CAPN11: variants seen among roughly 807,000 people sequenced by gnomAD.
CAPN11 encodes the protein calpain-11.
In CAPN11, 108 loss-of-function variants were observed where a neutral mutation model predicts 105.3. The ratio of observed to expected loss-of-function variants is 1.03; its 90% confidence interval spans 0.88 to 1.20. The LOEUF is 1.20. Ranked by LOEUF, CAPN11 falls within the 50% of genes most tolerant of loss-of-function variation. CAPN11 has a pLI of 0.00. For missense variants in CAPN11, 883 were observed against 924.8 expected, an observed-to-expected ratio of 0.95 and a Z score of 0.59; for synonymous variants, 329 against 344.5, an observed-to-expected ratio of 0.96 and a Z score of 0.50.
chr6:44,170,754 T>C (rs12190049), intron 4 of CAPN11, among the ~76,000 whole-genome samples: 9,785 of 152,200 alleles, frequency 0.064, 374 homozygotes, highest in Middle Eastern at 0.075. Flanking sequence ...CTACAGGTGC[T>C]AGAACCCGAT....
rs1417691538 is a variant in CAPN11, at chr6:44,181,624, CACAT to C, written c.1938+308_1938+311del. ...CACAACCACACCACACTCACACACA[CACAT>C]ACACACTCACATACAGACACAACCA... On this transcript the variant is annotated intron_variant, in intron 19 of 22. Transcript: ENST00000398776. Among the ~76,000 whole-genome samples, 3 of 15,160 alleles carry C rather than the reference CACAT, an allele frequency of 2.0e-4. 1 individual carries two copies. The highest frequency in any genetic ancestry group is 8.0e-4 in the African/African-American group (3 of 3,736). The allele number at this position is 15,160 out of a possible 152,430, so 9.9% of individuals were successfully genotyped here. A position where few individuals can be genotyped will look rare whatever the true frequency, so the allele number is the denominator to read the frequency against.
At chr6:44,164,223 G>C (rs1441927797) in intron 1 of CAPN11, among the ~76,000 whole-genome samples, 1 of 152,130 alleles carries the variant, frequency 6.6e-6, no homozygotes, top group Non-Finnish European at 1.5e-5. Context: ...ACAGCAGCAG[G>C]AATACAGCAG....
At chr6:44,178,750 T>A (rs11752924) in intron 12 of CAPN11, among the ~76,000 whole-genome samples, 80,004 of 116,140 alleles carry the variant, frequency 0.69, 26,037 homozygotes, top group Non-Finnish European at 0.71. Context: ...CTGTCTCGAT[T>A]AAAAAAAAAA....
chr6:44,183,656 A>T (rs1774145131), intron 21 of CAPN11, 49 bp from the exon 22 acceptor site: 1 of 1,579,400 alleles, frequency 6.3e-7, no homozygotes, highest in Non-Finnish European at 8.7e-7. Context: ...TTCTTTCGGA[A>T]CACTGACTTA....
At chr6:44,170,699 C>T (rs888820582) in intron 4 of CAPN11, among the ~76,000 whole-genome samples, 3 of 152,162 alleles carry the variant, frequency 2.0e-5, no homozygotes, top group African/African-American at 7.2e-5. Context: ...AGGAATTAGG[C>T]TCTACCTTTG....
At chr6:44,180,875 G>A in intron 17 of CAPN11, 58 bp from the exon 18 acceptor site, 1 of 1,601,870 alleles carries the variant, frequency 6.2e-7, no homozygotes, top group Non-Finnish European at 8.6e-7. Context: ...CACTCCCAGT[G>A]CCCCCACGAT....
At chr6:44,170,204 G>A (rs1019224655) in intron 4 of CAPN11, among the ~76,000 whole-genome samples, 1 of 152,118 alleles carries the variant, frequency 6.6e-6, no homozygotes, top group African/African-American at 2.4e-5. Flanking sequence ...GTCTTGCGGG[G>A]GGAATATTAG....
chr6:44,171,670 T>C (rs1211261075), intron 4 of CAPN11, among the ~76,000 whole-genome samples: 1 of 129,368 alleles, frequency 7.7e-6, no homozygotes, highest in Admixed American at 7.9e-5. Flanking sequence ...TCTACTTATA[T>C]ATAAAAATTT....
At chr6:44,166,935 G>T in intron 2 of CAPN11, 106 bp downstream of exon 2, 1 of 608,008 alleles carries the variant, frequency 1.6e-6, no homozygotes, top group Non-Finnish European at 2.9e-6. Flanking sequence ...CAGTCATGTT[G>T]TGTGGGGAGG....
At chr6:44,180,693 G>A in intron 16 of CAPN11, 31 bp downstream of exon 16, 2 of 1,613,660 alleles carry the variant, frequency 1.2e-6, no homozygotes, top group South Asian at 1.1e-5. Flanking sequence ...GGGCTGACAG[G>A]AGGGGGATGA....
chr6:44,176,923 A>G lies in CAPN11; in HGVS notation c.1162A>G (p.Ser388Gly). The G allele has an allele frequency of 6.2e-7, 1 of 1,613,884 alleles. No homozygotes were observed. The highest frequency in any genetic ancestry group is 8.5e-7 in the Non-Finnish European group (1 of 1,179,866). The change falls in exon 11 of 23, where the codon AGC becomes GGC. Residue 388 changes from serine to glycine, a missense_variant. Physicochemically the swap from Ser to Gly is moderately conservative, Grantham distance 56 (BLOSUM62 0). Transcript: ENST00000398776. ...TPDTLSGDYK[S>G]YWHTTFYEGS... Reference sequence around the variant, plus strand: ...TGATACACTCTCTGGGGACTACAAGAGCTACTGGCACACCACCTTCTACGA... The same window carrying G: ...TGATACACTCTCTGGGGACTACAAGGGCTACTGGCACACCACCTTCTACGA...
In CAPN11 at chr6:44,176,281, T is replaced by G; in HGVS notation, c.944T>G (p.Leu315Arg). The change falls in exon 9 of 23, where the codon CTG (leucine) becomes CGG (arginine). Residue 315 changes from leucine to arginine, a missense_variant. Coordinates refer to ENST00000398776, the MANE Select transcript of CAPN11 (RefSeq NM_007058.4). ...DVHYRGKMET[L>R]IRVRNPWGRI... ...CACTACAGAGGCAAAATGGAAACAC[T>G]GATTCGGGTCCGGAATCCCTGGGGC... 6.2e-7 allele frequency: 1 copy of G among 1,613,914 alleles called. No individual in the cohort carries two copies. The highest frequency in any genetic ancestry group is 8.5e-7 in the Non-Finnish European group (1 of 1,179,840).
chr6:44,172,739 G>A (rs1192476547), intron 5 of CAPN11, among the ~76,000 whole-genome samples: 2 of 152,184 alleles, frequency 1.3e-5, no homozygotes, highest in African/African-American at 4.8e-5. Flanking sequence ...TTAGCAATGT[G>A]TGGACAAATT....
chr6:44,180,839 C>T (rs370877132), intron 17 of CAPN11, 34 bp downstream of exon 17: 48 of 1,610,162 alleles, frequency 3.0e-5, no homozygotes, highest in Non-Finnish European at 3.8e-5. Context: ...CACGACCCCT[C>T]CCCCATATTT....
At chr6:44,180,859 C>G (rs1359352327) in intron 17 of CAPN11, 54 bp downstream of exon 17, 1 of 1,605,250 alleles carries the variant, frequency 6.2e-7, no homozygotes, top group East Asian at 2.2e-5. Context: ...TTGTGCCCCT[C>G]TTGATCACTC....
chr6:44,176,585 A>G lies in CAPN11; in HGVS notation c.1006A>G (p.Arg336Gly). 6.2e-7 allele frequency: 1 copy of G among 1,612,208 alleles called. No homozygotes were observed. The highest frequency in any genetic ancestry group is 8.5e-7 in the Non-Finnish European group (1 of 1,178,694). The change falls in exon 10 of 23, where the codon AGG becomes GGG. Residue 336 changes from arginine (R) to glycine (G), a missense_variant. By Grantham distance (125) the Arg-to-Gly change is moderately radical. Coordinates refer to ENST00000398776, the MANE Select transcript of CAPN11 (RefSeq NM_007058.4). The stretch of plus-strand genomic sequence containing the variant: ...CACCGCCCATCTCTGCTCCAGTGCC[A>G]GGGAGTGGGAAGAGGTGGCCTCAGA... ...EWNGAWSDSA[R>G]EWEEVASDIQ...
intron 5 of CAPN11, among the ~76,000 whole-genome samples, 180 bp downstream of exon 5, chr6:44,172,600 A>G (rs1258373806): frequency 6.6e-6 from 1 of 152,224 alleles, no homozygotes; most frequent in Non-Finnish European, 1.5e-5. Context: ...TTTAAGTCCC[A>G]AAAGAAAATA....
rs775389566 is a variant in CAPN11 at position 44,176,859 on chromosome 6, G to T, written c.1098G>T (p.Leu366=). 6.2e-7 allele frequency: 1 copy of T among 1,613,766 alleles called. No homozygotes were observed. The highest frequency in any genetic ancestry group is 8.5e-7 in the Non-Finnish European group (1 of 1,179,874). Reference sequence around the variant, plus strand: ...ACAGGATGTCCTACCAAGATTTCCTGAACAACTTCACGCTCCTGGAGATCT... The same window carrying T: ...ACAGGATGTCCTACCAAGATTTCCTTAACAACTTCACGCTCCTGGAGATCT... The part of the protein sequence containing the change: ...GEFWMSYQDF[L]NNFTLLEICN... Residue 366 remains leucine, a synonymous_variant, in exon 11 of 23, where the codon CTG becomes CTT. Coordinates refer to ENST00000398776, the MANE Select transcript of CAPN11 (RefSeq NM_007058.4).
At chr6:44,161,996 G>C (rs1266305695) in intron 1 of CAPN11, 1 of 433,240 alleles carries the variant, frequency 2.3e-6, no homozygotes, top group African/African-American at 2.0e-5. Flanking sequence ...CCTCTACACT[G>C]AGGGGCGCCC....
Sources: allele counts gnomAD v4.1 joint callset (sites outside exome capture counted in the v4.1 genomes callset), GRCh38; gene constraint gnomAD v4.1.1; transcripts MANE v1.5; gene names NCBI Gene and HGNC (gene_info 2026-07-23, HGNC 2026-07-21).